The following MCTP2 variants were observed in gnomAD, a reference collection of about 807,000 sequenced individuals.
The protein encoded by MCTP2 is multiple C2 and transmembrane domain-containing protein 2.
A neutral mutation model predicts 111.6 loss-of-function variants in MCTP2; 132 were observed. That is an observed-to-expected ratio of 1.18 (90% CI 1.03 to 1.37). MCTP2 has a LOEUF of 1.37. MCTP2 is among the 40% of genes most tolerant of loss of function. The pLI is 0.00. For missense variants in MCTP2, 1,183 were observed against 1,067.9 expected, an observed-to-expected ratio of 1.11 and a Z score of -1.50; for synonymous variants, 395 against 387.7, an observed-to-expected ratio of 1.02 and a Z score of -0.22.
At chr15:94,425,892 C>T (rs546283200) in intron 17 of MCTP2, among the ~76,000 whole-genome samples, 1 of 152,202 alleles carries the variant, frequency 6.6e-6, no homozygotes, top group South Asian at 2.1e-4. Context: ...GAAAGCTAAA[C>T]CTAAGGCTCA....
rs1354222455 is a variant in MCTP2, at chr15:94,245,243, T to TATAC, written c.-66+13580_-66+13581insTACA. 9.7e-3 allele frequency among the ~76,000 whole-genome samples: 1,364 copies of TATAC among 140,800 alleles called. 19 individuals carry two copies. Among genetic ancestry groups the TATAC allele is most frequent in the African/African-American group, 0.033 (1,290 of 38,844 alleles). The allele number at this position is 140,800 out of a possible 152,430, so 92.4% of individuals were successfully genotyped here. Reference sequence around the variant, plus strand: ...GTATATATACATATGTATGTATATATACACATATGTATATATACATATGTG... The same window carrying TATAC: ...GTATATATACATATGTATGTATATATATACACACATATGTATATATACATATGTG... On this transcript the variant is annotated intron_variant, in intron 1 of 22. Coordinates refer to ENST00000357742, the MANE Select transcript of MCTP2 (RefSeq NM_001385001.1).
chr15:94,253,242 C>T (rs1340019227), intron 1 of MCTP2, among the ~76,000 whole-genome samples: 2 of 152,174 alleles, frequency 1.3e-5, no homozygotes, highest in Admixed American at 1.3e-4. Flanking sequence ...TTGCTCTGAA[C>T]TCCCACCTTG....
intron 1 of MCTP2, among the ~76,000 whole-genome samples, chr15:94,291,925 G>A (rs1388986149): frequency 6.6e-6 from 1 of 152,182 alleles, no homozygotes; most frequent in Admixed American, 6.5e-5. Context: ...TCGCCAATAT[G>A]TAAACACATT....
Position 94,382,812 on chromosome 15 carries a change from A to G in MCTP2, c.1583-1210A>G, listed in dbSNP as rs1372166561. On this transcript the variant is annotated intron_variant, in intron 12 of 22. Transcript: ENST00000357742. ...AGCAAGCGCTGCTTTGTAAAGTGCC[A>G]GTGTGCTGCAGACGCCGGCAATGCG... Among the ~76,000 whole-genome samples the G allele has an allele frequency of 3.9e-5, 6 of 152,258 alleles. No homozygotes were observed. In the East Asian group the frequency reaches 1.2e-3, roughly 29 times the overall value.
chr15:94,387,143 C>T (rs74029040), intron 14 of MCTP2, among the ~76,000 whole-genome samples: 39,651 of 151,358 alleles, frequency 0.26, 5,471 homozygotes, highest in Middle Eastern at 0.39. Flanking sequence ...CCTCCTTCCC[C>T]CCTTCCTCCT....
At chr15:94,264,801 G>A (rs1028229884) in intron 1 of MCTP2, among the ~76,000 whole-genome samples, 1 of 152,066 alleles carries the variant, frequency 6.6e-6, no homozygotes, top group Non-Finnish European at 1.5e-5. Context: ...CAAAAGAAGG[G>A]GAGGAATTAG....
At chr15:94,470,721 C>T (rs1053545592) in intron 21 of MCTP2, among the ~76,000 whole-genome samples, 1 of 152,184 alleles carries the variant, frequency 6.6e-6, no homozygotes, top group Non-Finnish European at 1.5e-5. Flanking sequence ...CATAAATCCT[C>T]TTGGATAATA....
intron 1 of MCTP2, among the ~76,000 whole-genome samples, chr15:94,245,446 A>G (rs550879591): frequency 1.4e-5 from 2 of 138,874 alleles, no homozygotes; most frequent in South Asian, 2.3e-4. Context: ...ATATACACAT[A>G]TATGTATATG....
intron 17 of MCTP2, among the ~76,000 whole-genome samples, chr15:94,424,766 G>A (rs893525194): frequency 6.6e-6 from 1 of 152,114 alleles, no homozygotes; most frequent in African/African-American, 2.4e-5. Flanking sequence ...GTGTGAAGGG[G>A]TACTTTGGTG....
chr15:94,399,960 C>G lies in MCTP2; in HGVS notation c.1930C>G (p.Arg644Gly). The change falls in exon 16 of 23, where the codon CGC becomes GGC. Residue 644 changes from arginine (R) to glycine (G), a missense_variant. By Grantham distance (125) the Arg-to-Gly change is moderately radical. Transcript: ENST00000357742. ...SIRTFTPREKRFVEDSRKLSK... is the reference protein window; with the variant it reads ...SIRTFTPREKGFVEDSRKLSK... ...TAGGACTTTTACTCCCCGGGAAAAGCGCTTTGTTGAAGACAGCCGCAAGCT... is the reference window on the plus strand; with the variant it reads ...TAGGACTTTTACTCCCCGGGAAAAGGGCTTTGTTGAAGACAGCCGCAAGCT... 1.9e-6 allele frequency: 3 copies of G among 1,613,988 alleles called. No individual in the cohort carries two copies. Among genetic ancestry groups the G allele is most frequent in the Non-Finnish European group, 2.5e-6 (3 of 1,179,898 alleles).
In MCTP2 at chr15:94,401,997, T is replaced by C. The variant is rs2081617975; in HGVS notation, c.2063T>C (p.Leu688Ser). 3 of 1,613,410 alleles carry C rather than the reference T, an allele frequency of 1.9e-6. No individual in the cohort carries two copies. The highest frequency in any genetic ancestry group is 1.7e-5 in the Admixed American group (1 of 59,912). Residue 688 changes from leucine (L) to serine (S), a missense_variant, in exon 17 of 23, where the codon TTA becomes TCA. Transcript: ENST00000357742. ...LKSCFQWEST[L>S]RSTIAFAVFL... ...AGCTGCTTCCAGTGGGAATCCACAT[T>C]AAGAAGTACAATAGCATTCGCGGTA...
intron 1 of MCTP2, among the ~76,000 whole-genome samples, chr15:94,257,885 C>T (rs1211670620): frequency 6.8e-6 from 1 of 147,554 alleles, no homozygotes; most frequent in Middle Eastern, 3.8e-3. Flanking sequence ...GTGCCTGGCC[C>T]ATTTTCTTTT....
chr15:94,245,028 A>C (rs1260323934), intron 1 of MCTP2, among the ~76,000 whole-genome samples: 1 of 148,504 alleles, frequency 6.7e-6, no homozygotes, highest in East Asian at 2.0e-4. Flanking sequence ...ATATGCACCT[A>C]TGTTTATATA....
At position 94,479,168 on chromosome 15, in the gene MCTP2, C is replaced by T; in HGVS notation, c.*134C>T. 1.3e-6 allele frequency: 1 copy of T among 797,390 alleles called. No individual in the cohort carries two copies. 49.4% of individuals were successfully genotyped at this position (797,390 alleles called of 1,614,324 possible). ...TGTGGCACCCTCTGTATACTTCCTC[C>T]TCCTTCACGTGCACAGACATACACA... On this transcript the variant is annotated 3_prime_UTR_variant, in exon 23 of 23. Transcript: ENST00000357742.
At chr15:94,254,914 C>CT (rs2072669299) in intron 1 of MCTP2, among the ~76,000 whole-genome samples, 1 of 152,144 alleles carries the variant, frequency 6.6e-6, no homozygotes, top group South Asian at 2.1e-4. Flanking sequence ...TATTATTCCT[C>CT]TAAAGCTTGA....
At chr15:94,344,422 G>T (rs531838507) in intron 7 of MCTP2, among the ~76,000 whole-genome samples, 77 of 152,304 alleles carry the variant, frequency 5.1e-4, no homozygotes, top group African/African-American at 1.7e-3. Context: ...CAACCAGTTA[G>T]CTTGTTAACC....
At chr15:94,309,231 T>G (rs1185665533) in intron 2 of MCTP2, among the ~76,000 whole-genome samples, 1 of 152,222 alleles carries the variant, frequency 6.6e-6, no homozygotes, top group African/African-American at 2.4e-5. Context: ...GTCTGATTCC[T>G]TTTGCTTATT....
At chr15:94,375,364 A>G (rs1170386975) in intron 12 of MCTP2, among the ~76,000 whole-genome samples, 1 of 152,178 alleles carries the variant, frequency 6.6e-6, no homozygotes, top group Admixed American at 6.5e-5. Context: ...GATCCAAACC[A>G]TATCACTCAT....
intron 18 of MCTP2, among the ~76,000 whole-genome samples, chr15:94,441,431 T>C (rs2083772583): frequency 6.6e-6 from 1 of 152,254 alleles, no homozygotes; most frequent in African/African-American, 2.4e-5. Flanking sequence ...ATCTCTGATA[T>C]CTATGTTGTC....
Sources: allele counts gnomAD v4.1 joint callset (sites outside exome capture counted in the v4.1 genomes callset), GRCh38; gene constraint gnomAD v4.1.1; transcripts MANE v1.5; gene names NCBI Gene and HGNC (gene_info 2026-07-23, HGNC 2026-07-21).